Variants in HCFC2 observed in about 807,000 individuals in gnomAD.
The protein encoded by HCFC2 is host cell factor 2.
In HCFC2, 18 loss-of-function variants were observed where a neutral mutation model predicts 89.2. The observed-to-expected ratio is 0.20, with a 90% CI of 0.14 to 0.30. The LOEUF (loss-of-function observed/expected upper bound fraction) is 0.30, where lower values mean the gene tolerates loss of function less well. Among genes scored for constraint, HCFC2 ranks in the 10% least tolerant of loss-of-function variants. The pLI, the probability that HCFC2 is intolerant of heterozygous loss-of-function variation, is 1.00. For missense variants in HCFC2, 578 were observed against 956.1 expected (o/e 0.60, Z 5.21); for synonymous variants, 308 against 335.7 (o/e 0.92, Z 0.90).
chr12:104,092,063 A>G (rs764933697), intron 9 of HCFC2, among the ~76,000 whole-genome samples: 13 of 152,236 alleles, frequency 8.5e-5, no homozygotes, highest in Non-Finnish European at 1.8e-4. Context: ...GGTAATTAGA[A>G]AGAACAACAA....
At chr12:104,074,780 C>G (rs942398380) in intron 3 of HCFC2, among the ~76,000 whole-genome samples, 1 of 152,068 alleles carries the variant, frequency 6.6e-6, no homozygotes, top group Non-Finnish European at 1.5e-5. Flanking sequence ...CTATTGTAAT[C>G]TGATTTGAGT....
In HCFC2 at chr12:104,103,301, A is replaced by C; in HGVS notation, c.*28A>C. On this transcript the variant is annotated 3_prime_UTR_variant, in exon 15 of 15. Coordinates refer to ENST00000229330, the MANE Select transcript of HCFC2 (RefSeq NM_013320.3). ...TGGTTTTTTTACTGAAGCTATTGTGATGATGATTATTTATTAGTAACTGGT... is the reference window on the plus strand; with the variant it reads ...TGGTTTTTTTACTGAAGCTATTGTGCTGATGATTATTTATTAGTAACTGGT... The C allele has an allele frequency of 1.9e-6, 3 of 1,539,698 alleles. No homozygotes were observed. Among genetic ancestry groups the C allele is most frequent in the Non-Finnish European group, 2.7e-6 (3 of 1,123,430 alleles).
chr12:104,100,726 C>A (rs1365827390), intron 13 of HCFC2, among the ~76,000 whole-genome samples: 1 of 152,096 alleles, frequency 6.6e-6, no homozygotes, highest in Non-Finnish European at 1.5e-5. Context: ...CCTCATATCC[C>A]TCTTTTTCAT....
intron 13 of HCFC2, among the ~76,000 whole-genome samples, chr12:104,099,514 T>C (rs1293909940): frequency 6.6e-6 from 1 of 151,990 alleles, no homozygotes; most frequent in Non-Finnish European, 1.5e-5. Context: ...GTCAGGAGGA[T>C]TGCTTGAGCC....
Position 104,093,580 on chromosome 12 carries a change from TTAAAC to T in HCFC2, c.1462+22_1462+26del. Reference sequence around the variant, plus strand: ...AAAATGAAGGTATATGGATGACATTTTAAACTAAAGCTTTTTATAAAATCGGTGGG... The same window carrying T: ...AAAATGAAGGTATATGGATGACATTTTAAAGCTTTTTATAAAATCGGTGGG... On this transcript the variant is annotated intron_variant, in intron 10 of 14. Coordinates refer to ENST00000229330, the MANE Select transcript of HCFC2 (RefSeq NM_013320.3). 6.3e-7 allele frequency: 1 copy of T among 1,575,336 alleles called. No homozygotes were observed. Among genetic ancestry groups the T allele is most frequent in the South Asian group, 1.2e-5 (1 of 86,356 alleles).
rs1363441085 is a variant in HCFC2, at chr12:104,064,568, C to T, written c.8C>T (p.Ala3Val). 2 of 1,531,720 alleles carry T rather than the reference C, an allele frequency of 1.3e-6. No homozygotes were observed. Among genetic ancestry groups the T allele is most frequent in the South Asian group, 2.4e-5 (2 of 82,864 alleles). The allele number at this position is 1,531,720 out of a possible 1,614,324, so 94.9% of individuals were successfully genotyped here. Residue 3 changes from alanine to valine, a missense_variant, in exon 1 of 15, where the codon GCT becomes GTT. By Grantham distance (64) the Ala-to-Val change is moderately conservative. Coordinates refer to ENST00000229330, the MANE Select transcript of HCFC2 (RefSeq NM_013320.3). This position sits in a 1 kb window ranked among gnomAD's most constrained non-coding sequence, Gnocchi z 7.3. Reference protein sequence around the residue: MAAPSLLNWRRVS... With the variant: MAVPSLLNWRRVS... ...GGGGCGGGGGTTGGGAAGATGGCGG[C>T]TCCCAGCCTCCTCAACTGGAGGCGA... is the stretch of plus-strand genomic sequence containing the variant.
chr12:104,077,436 G>T (rs979955089), intron 3 of HCFC2, among the ~76,000 whole-genome samples: 1 of 151,364 alleles, frequency 6.6e-6, no homozygotes, highest in East Asian at 1.9e-4. Context: ...TAGAGACGGG[G>T]TTTCACCATG....
intron 2 of HCFC2, among the ~76,000 whole-genome samples, chr12:104,066,836 G>A (rs1243181908): frequency 6.6e-6 from 1 of 152,220 alleles, no homozygotes; most frequent in African/African-American, 2.4e-5. Flanking sequence ...CACCCAGGCT[G>A]GACTGCAGCC....
chr12:104,102,914 G>A (rs759151395), intron 14 of HCFC2, 45 bp from the exon 15 acceptor site: 1 of 1,484,222 alleles, frequency 6.7e-7, no homozygotes, highest in Non-Finnish European at 9.2e-7. Flanking sequence ...TGATAACAGA[G>A]GAAACTTAAG....
At chr12:104,096,191 A>G (rs530231397) in intron 11 of HCFC2, among the ~76,000 whole-genome samples, 169 bp from the exon 12 acceptor site, 1 of 152,312 alleles carries the variant, frequency 6.6e-6, no homozygotes, top group East Asian at 1.9e-4. Context: ...TAATAGTACA[A>G]TACCCTCTGG....
chr12:104,065,023 C>G (rs1490169483), intron 1 of HCFC2: 1 of 307,890 alleles, frequency 3.2e-6, no homozygotes, highest in East Asian at 5.7e-5. Context: ...GACAGAAGAC[C>G]ATGTCCAACC....
rs1171053508 is a variant in HCFC2, at chr12:104,082,899, C to T, written c.1061C>T (p.Thr354Ile). The T allele has an allele frequency of 1.9e-6, 3 of 1,590,932 alleles. No individual in the cohort carries two copies. The highest frequency in any genetic ancestry group is 2.3e-5 in the South Asian group (2 of 87,086). Residue 354 changes from threonine to isoleucine, a missense_variant and splice_region_variant, in exon 7 of 15, where the codon ACT becomes ATT. Thr to Ile is a moderately conservative substitution (Grantham distance 89, BLOSUM62 -1). Coordinates refer to ENST00000229330, the MANE Select transcript of HCFC2 (RefSeq NM_013320.3). ...VCCKDLWYLDTEKPPAPSQVQ... is the reference protein window; with the variant it reads ...VCCKDLWYLDIEKPPAPSQVQ... ...TGCAAGGATCTTTGGTATCTTGATA[C>T]TGGTAGGTAAGAATATTTAACAAAT...
At chr12:104,102,612 C>T (rs1315140292) in intron 14 of HCFC2, among the ~76,000 whole-genome samples, 2 of 152,020 alleles carry the variant, frequency 1.3e-5, no homozygotes, top group East Asian at 3.9e-4. Context: ...TATTATGGAA[C>T]GAAAACATTT....
chr12:104,072,691 G>T (rs1346950746), intron 3 of HCFC2, among the ~76,000 whole-genome samples: 1 of 151,180 alleles, frequency 6.6e-6, no homozygotes, highest in South Asian at 2.1e-4. Flanking sequence ...CGCCCAGGCT[G>T]GAGTGCAGTG....
At chr12:104,094,351 A>G (rs1884115805) in intron 10 of HCFC2, among the ~76,000 whole-genome samples, 1 of 152,192 alleles carries the variant, frequency 6.6e-6, no homozygotes, top group Admixed American at 6.5e-5. Context: ...TGTCCAGGAC[A>G]TATGTATGGA....
intron 8 of HCFC2, among the ~76,000 whole-genome samples, chr12:104,087,472 T>TATATATATGTATATATATATAC (rs1389673820): frequency 1.7e-4 from 20 of 118,954 alleles, no homozygotes; most frequent in Non-Finnish European, 2.8e-4. Flanking sequence ...TATACATATA[T>TATATATATGTATATATATATAC]ATATATATAT....
intron 7 of HCFC2, among the ~76,000 whole-genome samples, chr12:104,085,328 T>C (rs1883801731): frequency 6.6e-6 from 1 of 152,142 alleles, no homozygotes; most frequent in Non-Finnish European, 1.5e-5. Context: ...GGAAGAAGCA[T>C]ATACTAGCAA....
chr12:104,070,256 C>A (rs1188340450), intron 3 of HCFC2, among the ~76,000 whole-genome samples: 4 of 151,604 alleles, frequency 2.6e-5, no homozygotes, highest in African/African-American at 9.7e-5. Context: ...TCTCGATCTC[C>A]TGACCTCGTG....
intron 9 of HCFC2, among the ~76,000 whole-genome samples, chr12:104,092,236 G>A (rs1301046477): frequency 1.3e-5 from 2 of 152,152 alleles, no homozygotes; most frequent in African/African-American, 4.8e-5. Context: ...GGGAGGCCAA[G>A]GTGGTAGATC....
Sources: gnomAD v4.1 joint callset for allele counts (sites outside exome capture counted in the v4.1 genomes callset) on GRCh38, gnomAD v4.1.1 for gene constraint, Gnocchi (gnomAD v3.1) non-coding constraint, MANE v1.5 for transcripts, NCBI Gene and HGNC (gene_info 2026-07-23, HGNC 2026-07-21) for gene names.